The following SYNPR variants were observed in gnomAD, a reference collection of about 807,000 sequenced individuals.
The protein encoded by SYNPR is synaptoporin.
SYNPR carries 23 observed loss-of-function variants against 32.9 expected under a neutral mutation model. The ratio of observed to expected loss-of-function variants is 0.70; its 90% CI spans 0.50 to 0.99. The LOEUF is 0.99. SYNPR is among the 50% of genes least tolerant of loss of function. The probability of loss-of-function intolerance (pLI) is 0.00; values close to 1 mark genes in which losing one functional copy is unlikely to be tolerated. For missense variants in SYNPR, 318 were observed against 349.3 expected (o/e 0.91, Z 0.71); for synonymous variants, 146 against 135.9 (o/e 1.07, Z -0.52).
intron 5 of SYNPR, among the ~76,000 whole-genome samples, chr3:63,612,605 A>G (rs1418961174): frequency 2.0e-5 from 3 of 152,120 alleles, no homozygotes; most frequent in African/African-American, 4.8e-5. Context: ...AATAGCAAAA[A>G]AGAGTTCAAG....
intron 4 of SYNPR, among the ~76,000 whole-genome samples, chr3:63,563,775 G>T (rs1323084605): frequency 6.6e-6 from 1 of 152,112 alleles, no homozygotes; most frequent in Non-Finnish European, 1.5e-5. Context: ...TGGCTTGCTA[G>T]GGGTATGTAG....
intron 2 of SYNPR, among the ~76,000 whole-genome samples, chr3:63,262,582 G>T (rs545047541): frequency 6.6e-6 from 1 of 152,314 alleles, no homozygotes; most frequent in East Asian, 1.9e-4. Context: ...GGGCCCAACA[G>T]TGGTGGAAAT....
In SYNPR at chr3:63,550,887, T is replaced by C. The variant is rs187511841; in HGVS notation, c.210-5656T>C. 3.7e-3 allele frequency among the ~76,000 whole-genome samples: 560 copies of C among 152,338 alleles called. 3 individuals are homozygous for C. Among genetic ancestry groups the C allele is most frequent in the Middle Eastern group, 6.8e-3 (2 of 294 alleles). On this transcript the variant is annotated intron_variant, in intron 3 of 5. Coordinates refer to ENST00000478300, the MANE Select transcript of SYNPR (RefSeq NM_001130003.2). Reference sequence around the variant, plus strand: ...CCCACAATGGGGGCCCCCAGCTACTTTTCCACCCCATCCTGCACCACCATT... The same window carrying C: ...CCCACAATGGGGGCCCCCAGCTACTCTTCCACCCCATCCTGCACCACCATT...
intron 2 of SYNPR, among the ~76,000 whole-genome samples, chr3:63,476,186 A>G (rs1413738566): frequency 2.1e-5 from 1 of 48,508 alleles, no homozygotes; most frequent in Admixed American, 2.1e-4. Flanking sequence ...AAGGAAGGGA[A>G]GGGAGGGAAG....
intron 2 of SYNPR, among the ~76,000 whole-genome samples, chr3:63,294,236 T>G (rs1355947700): frequency 1.3e-5 from 2 of 152,200 alleles, no homozygotes; most frequent in Non-Finnish European, 2.9e-5. Context: ...GTTATTAACT[T>G]AGATGTAGAA....
intron 2 of SYNPR, among the ~76,000 whole-genome samples, chr3:63,425,013 T>A (rs912660244): frequency 6.6e-6 from 1 of 152,214 alleles, no homozygotes; most frequent in African/African-American, 2.4e-5. Context: ...ATTAGATCCA[T>A]CCTGTTAGCA....
At chr3:63,586,964 A>G (rs1043254749) in intron 4 of SYNPR, among the ~76,000 whole-genome samples, 2 of 151,806 alleles carry the variant, frequency 1.3e-5, no homozygotes, top group African/African-American at 2.4e-5. Flanking sequence ...ACATGCGAAG[A>G]CTCCACCTAT....
rs77101194 is a variant in SYNPR, at chr3:63,428,847, C to T, written c.85-51985C>T. On this transcript the variant is annotated intron_variant, in intron 2 of 5. Coordinates refer to ENST00000478300, the MANE Select transcript of SYNPR (RefSeq NM_001130003.2). ...TTAAGACCTAGGCTCAGAATGTGCA[C>T]GATTTCACTTCTGCCGTATGCTGTT... 6.7e-3 allele frequency among the ~76,000 whole-genome samples: 1,013 copies of T among 152,276 alleles called. 11 individuals carry two copies. The highest frequency in any genetic ancestry group is 0.023 in the African/African-American group (961 of 41,562).
rs1309359463 is a variant in SYNPR, at chr3:63,452,211, G to A, written c.85-28621G>A. ...ATACTGAGCAGCCACTGGGTGCCGGGTTAAGATTTGGGATACGGAGGTAAC... is the reference window on the plus strand; with the variant it reads ...ATACTGAGCAGCCACTGGGTGCCGGATTAAGATTTGGGATACGGAGGTAAC... On this transcript the variant is annotated intron_variant, in intron 2 of 5. Transcript: ENST00000478300. 2.0e-5 allele frequency: 12 copies of A among 600,494 alleles called. No homozygotes were observed. In the Admixed American group the frequency reaches 2.7e-4, roughly 13 times the overall value. The allele number at this position is 600,494 out of a possible 1,614,324, so 37.2% of individuals were successfully genotyped here. A position where few individuals can be genotyped will look rare whatever the true frequency, so the allele number is the denominator to read the frequency against.
chr3:63,203,881 C>G, the SYNPR span, among the ~76,000 whole-genome samples: 2 of 152,100 alleles, frequency 1.3e-5, no homozygotes, highest in South Asian at 2.1e-4. Flanking sequence ...TGCCTGTAAT[C>G]CCAGCTGCTC....
intron 2 of SYNPR, among the ~76,000 whole-genome samples, chr3:63,452,932 T>C (rs917260590): frequency 5.3e-5 from 8 of 152,148 alleles, no homozygotes; most frequent in African/African-American, 1.7e-4. Flanking sequence ...TGAAATAAAA[T>C]GGAACTTTGT....
chr3:63,595,082 TTTTCC>T (rs1699910148), intron 4 of SYNPR, among the ~76,000 whole-genome samples: 1 of 152,142 alleles, frequency 6.6e-6, no homozygotes, highest in Non-Finnish European at 1.5e-5. Flanking sequence ...TCAGAGGCAC[TTTTCC>T]AAGTAAGTGT....
intron 2 of SYNPR, among the ~76,000 whole-genome samples, chr3:63,266,835 A>G (rs1021360428): frequency 6.6e-6 from 1 of 152,142 alleles, no homozygotes; most frequent in African/African-American, 2.4e-5. Flanking sequence ...CACGAGACCC[A>G]GTAGCCATGG....
chr3:63,206,255 G>C, the SYNPR span, among the ~76,000 whole-genome samples: 63,334 of 151,988 alleles, frequency 0.42, 14,533 homozygotes, highest in Admixed American at 0.52. Flanking sequence ...ACCAGTTTAG[G>C]GGGGGAAAGG....
intron 1 of SYNPR, among the ~76,000 whole-genome samples, chr3:63,238,412 T>G (rs2086214645): frequency 1.3e-5 from 2 of 152,080 alleles, no homozygotes; most frequent in African/African-American, 2.4e-5. Flanking sequence ...TGGTTCGGGC[T>G]TTCTTTTCTC....
intron 2 of SYNPR, among the ~76,000 whole-genome samples, chr3:63,435,653 G>T (rs1352191947): frequency 1.3e-5 from 2 of 152,190 alleles, no homozygotes; most frequent in Admixed American, 6.5e-5. Context: ...CTGGCGTTCG[G>T]CTTAAAAAAC....
chr3:63,584,536 T>C (rs1016125279), intron 4 of SYNPR, among the ~76,000 whole-genome samples: 1 of 151,636 alleles, frequency 6.6e-6, no homozygotes. Context: ...AATAGAAATA[T>C]GAGGAAAGGG....
chr3:63,577,475 T>C (rs966743336), intron 4 of SYNPR, among the ~76,000 whole-genome samples: 8 of 152,034 alleles, frequency 5.3e-5, no homozygotes, highest in Non-Finnish European at 1.2e-4. Flanking sequence ...AACTGTTTTT[T>C]TGGAAGGGAG....
intron 2 of SYNPR, among the ~76,000 whole-genome samples, chr3:63,296,869 T>A (rs1447562190): frequency 6.6e-6 from 1 of 152,186 alleles, no homozygotes; most frequent in East Asian, 1.9e-4. Context: ...TAATAGAACA[T>A]TGTGCAATCA....
Sources: gnomAD v4.1 joint callset for allele counts (sites outside exome capture counted in the v4.1 genomes callset) on GRCh38, gnomAD v4.1.1 for gene constraint, MANE v1.5 for transcripts, NCBI Gene and HGNC (gene_info 2026-07-23, HGNC 2026-07-21) for gene names.